The following KRAS variants were observed in gnomAD, a reference collection of about 807,000 sequenced individuals.
The protein encoded by KRAS is KRas proto-oncogene, GTPase, also known as GTPase KRas.
In KRAS, 1 loss-of-function variant was observed where a neutral mutation model predicts 21.0. That is an observed-to-expected ratio of 0.05 (90% CI 0.02 to 0.23). The LOEUF (loss-of-function observed/expected upper bound fraction) is 0.23. Ranked by LOEUF, KRAS falls within the 10% of genes least tolerant of loss-of-function variation. KRAS has a pLI of 1.00. For synonymous variants in KRAS, 67 were observed against 72.5 expected (o/e 0.92, Z 0.39); for missense variants, 107 against 221.8 (o/e 0.48, Z 3.29).
At chr12:25,241,152 G>A (rs1217515403) in intron 2 of KRAS, among the ~76,000 whole-genome samples, 4 of 152,052 alleles carry the variant, frequency 2.6e-5, no homozygotes, top group African/African-American at 9.7e-5. Flanking sequence ...TCCTTTCTTA[G>A]TTCACTATAC....
At chr12:25,220,243 G>C (rs1243822253) in intron 4 of KRAS, among the ~76,000 whole-genome samples, 1 of 152,144 alleles carries the variant, frequency 6.6e-6, no homozygotes, top group Non-Finnish European at 1.5e-5. Context: ...ATGTGAACTA[G>C]GTAACAGTCC....
At chr12:25,223,617 T>A (rs935420329) in intron 4 of KRAS, among the ~76,000 whole-genome samples, 1 of 152,182 alleles carries the variant, frequency 6.6e-6, no homozygotes, top group Non-Finnish European at 1.5e-5. Flanking sequence ...TGAAGTAGAA[T>A]TTACTGTTTC....
rs1951521183 is a variant in KRAS at position 25,234,650 on chromosome 12, G to A, written c.112-7238C>T. The A allele has an allele frequency of 1.6e-5, 3 of 187,990 alleles. No individual in the cohort carries two copies. The Admixed American group carries it at 1.9e-4, about 12-fold the overall frequency. 11.6% of individuals were successfully genotyped at this position (187,990 alleles called of 1,614,324 possible). ...CACTGACTTGCATAATTTTTTTAAT[G>A]AAGTGTTTCCTGGTTTATTAAATGC... On this transcript the variant is annotated intron_variant, in intron 2 of 4. Transcript: ENST00000311936.
intron 2 of KRAS, among the ~76,000 whole-genome samples, chr12:25,238,385 C>A (rs896652094): frequency 2.0e-5 from 3 of 152,080 alleles, no homozygotes; most frequent in Non-Finnish European, 4.4e-5. Context: ...AATCTTAATG[C>A]CAATATAATG....
At chr12:25,225,818 A>G (rs761961669) in intron 3 of KRAS, 45 bp from the exon 4 acceptor site, 7 of 1,567,390 alleles carry the variant, frequency 4.5e-6, no homozygotes, top group Non-Finnish European at 6.1e-6. Flanking sequence ...AGTAACACAA[A>G]TATCTTTCAA....
chr12:25,237,819 CA>C (rs1168433363), intron 2 of KRAS, among the ~76,000 whole-genome samples: 3 of 152,072 alleles, frequency 2.0e-5, no homozygotes, highest in African/African-American at 4.8e-5. Context: ...ACACGCAGGC[CA>C]AAAAGTAGGG....
chr12:25,218,067 G>C (rs1951274912), intron 4 of KRAS, among the ~76,000 whole-genome samples: 2 of 152,022 alleles, frequency 1.3e-5, no homozygotes. Context: ...AAAATGTAAA[G>C]CATGAGCTCT....
intron 1 of KRAS, among the ~76,000 whole-genome samples, chr12:25,247,536 G>A (rs144877436): frequency 6.6e-6 from 1 of 152,128 alleles, no homozygotes; most frequent in Non-Finnish European, 1.5e-5. Flanking sequence ...AATAGATGAG[G>A]AGAATTACAC....
chr12:25,224,047 G>C (rs183149590), intron 4 of KRAS, among the ~76,000 whole-genome samples: 1 of 152,080 alleles, frequency 6.6e-6, no homozygotes, highest in East Asian at 1.9e-4. Flanking sequence ...TGATGTTATA[G>C]CCATCCTAAC....
intron 2 of KRAS, among the ~76,000 whole-genome samples, chr12:25,232,304 AAAAAAC>A (rs1951484426): frequency 6.6e-6 from 1 of 152,232 alleles, no homozygotes; most frequent in Non-Finnish European, 1.5e-5. Context: ...TAGCTGTTTA[AAAAAAC>A]AAAAACAAAA....
rs145862422 is a variant in KRAS at position 25,215,784 on chromosome 12, A to T, written c.451-5873T>A. Among the ~76,000 whole-genome samples the T allele has an allele frequency of 4.2e-3, 646 of 152,298 alleles. 7 individuals are homozygous for T. Among genetic ancestry groups the T allele is most frequent in the African/African-American group, 0.015 (604 of 41,558 alleles). On this transcript the variant is annotated intron_variant, in intron 4 of 4. Coordinates refer to ENST00000311936, the MANE Select transcript of KRAS (RefSeq NM_004985.5). ...TTGTTTTCTAATGGAATTAAATTTT[A>T]AAATTTTTAAATTAGGAATTAGGAG...
rs1017021068 is a variant in KRAS, at chr12:25,208,278, C to T, written c.*1517G>A. 2 of 233,162 alleles carry T rather than the reference C, an allele frequency of 8.6e-6. No individual in the cohort carries two copies. Among genetic ancestry groups the T allele is most frequent in the Non-Finnish European group, 1.7e-5 (2 of 117,876 alleles). The allele number at this position is 233,162 out of a possible 1,614,324, so 14.4% of individuals were successfully genotyped here. A position where few individuals can be genotyped will look rare whatever the true frequency, so the allele number is the denominator to read the frequency against. On this transcript the variant is annotated 3_prime_UTR_variant, in exon 5 of 5. Transcript: ENST00000311936. ...AAAGACACCTATCTAGAACCTAAGT[C>T]ACCTTCTTCCTAGTCCAGTGATACT...
At chr12:25,240,486 A>T (rs1037180948) in intron 2 of KRAS, among the ~76,000 whole-genome samples, 6 of 152,218 alleles carry the variant, frequency 3.9e-5, no homozygotes, top group Admixed American at 3.9e-4. Flanking sequence ...GAATGAACTG[A>T]TGTGCAGGCA....
At position 25,228,282 on chromosome 12, in the gene KRAS, T is replaced by C. The variant is rs561658832; in HGVS notation, c.112-870A>G. On this transcript the variant is annotated intron_variant, in intron 2 of 4. Coordinates refer to ENST00000311936, the MANE Select transcript of KRAS (RefSeq NM_004985.5). ...CCTCCTGCCTTGGCCACCCAACGTGTTGGGATTACAAGCATGAGCCACTGA... is the reference window on the plus strand; with the variant it reads ...CCTCCTGCCTTGGCCACCCAACGTGCTGGGATTACAAGCATGAGCCACTGA... Among the ~76,000 whole-genome samples, 14 of 147,830 alleles carry C rather than the reference T, an allele frequency of 9.5e-5. 1 individual carries two copies. In the South Asian group the frequency reaches 2.8e-3, roughly 30 times the overall value.
At chr12:25,214,523 G>A (rs1348634293) in intron 4 of KRAS, among the ~76,000 whole-genome samples, 1 of 152,044 alleles carries the variant, frequency 6.6e-6, no homozygotes, top group Non-Finnish European at 1.5e-5. Flanking sequence ...AAGTAGCTGG[G>A]ATTACAGGCA....
chr12:25,229,212 A>T (rs555336796), intron 2 of KRAS, among the ~76,000 whole-genome samples: 8 of 152,348 alleles, frequency 5.3e-5, no homozygotes, highest in Admixed American at 2.6e-4. Flanking sequence ...GACAAAACAA[A>T]ATAATTTCAA....
chr12:25,210,759 T>C (rs1183732445), intron 4 of KRAS: 1 of 152,198 alleles, frequency 6.6e-6, no homozygotes, highest in Non-Finnish European at 1.5e-5. Context: ...CAGTTAGTCA[T>C]TGTGACCACC....
chr12:25,233,975 A>T (rs1459494636), intron 2 of KRAS: 2 of 193,400 alleles, frequency 1.0e-5, no homozygotes, highest in Non-Finnish European at 2.2e-5. Context: ...AATGTTCACG[A>T]CAAATGCCCC....
chr12:25,209,675 C>T lies in KRAS; in HGVS notation c.*120G>A. 7.0e-7 allele frequency: 1 copy of T among 1,436,506 alleles called. No individual in the cohort carries two copies. Among genetic ancestry groups the T allele is most frequent in the East Asian group, 2.5e-5 (1 of 39,964 alleles). The allele number at this position is 1,436,506 out of a possible 1,614,324, so 89.0% of individuals were successfully genotyped here. A position where few individuals can be genotyped will look rare whatever the true frequency, so the allele number is the denominator to read the frequency against. On this transcript the variant is annotated 3_prime_UTR_variant, in exon 5 of 5. Transcript: ENST00000311936. ...AATAAGCATTTAAGGTAAAAGCTAACAGTCTGCATGGAGCAGGAAAAAAAT... is the reference window on the plus strand; with the variant it reads ...AATAAGCATTTAAGGTAAAAGCTAATAGTCTGCATGGAGCAGGAAAAAAAT...
Sources: allele counts gnomAD v4.1 joint callset (sites outside exome capture counted in the v4.1 genomes callset), GRCh38; gene constraint gnomAD v4.1.1; transcripts MANE v1.5; gene names NCBI Gene and HGNC (gene_info 2026-07-23, HGNC 2026-07-21).